The following PLD1 variants were observed in gnomAD, a reference collection of about 807,000 sequenced individuals.
The protein encoded by PLD1 is choline phosphatase 1.
A neutral mutation model predicts 137.1 loss-of-function variants in PLD1; 112 were observed. The ratio of observed to expected loss-of-function variants is 0.82; its 90% CI spans 0.70 to 0.96. PLD1 has a LOEUF of 0.96. Among genes scored for constraint, PLD1 ranks in the 40% least tolerant of loss-of-function variants. The pLI is 0.00. For synonymous variants in PLD1, 431 were observed against 454.7 expected, an observed-to-expected ratio of 0.95 and a Z score of 0.66; for missense variants, 1,321 against 1,342.0, an observed-to-expected ratio of 0.98 and a Z score of 0.24.
intron 1 of PLD1, among the ~76,000 whole-genome samples, chr3:171,801,628 C>T (rs925639282): frequency 2.6e-5 from 4 of 152,160 alleles, no homozygotes; most frequent in South Asian, 4.1e-4. Context: ...GAGGTTTCAC[C>T]GTGTTGGTCA....
chr3:171,683,862 C>T (rs1010651650), intron 16 of PLD1, among the ~76,000 whole-genome samples: 1 of 152,146 alleles, frequency 6.6e-6, no homozygotes, highest in African/African-American at 2.4e-5. Context: ...ATAAATAAAT[C>T]TTCTATGTTT....
chr3:171,614,813 G>C (rs1298957142), intron 24 of PLD1, among the ~76,000 whole-genome samples: 1 of 152,198 alleles, frequency 6.6e-6, no homozygotes, highest in Non-Finnish European at 1.5e-5. Context: ...GAGCCAGCCT[G>C]GAAAGCCCCC....
In PLD1 at chr3:171,764,915, AGAAAGAAAG is replaced by A. The variant is rs1230052749; in HGVS notation, c.-31-26842_-31-26834del. ...AGAAAGGAAGGAAGGAAGGAAGGAA[AGAAAGAAAG>A]GAAAGAAAGGAAAGAAAGAAAGAAA... is the stretch of plus-strand genomic sequence containing the variant. On this transcript the variant is annotated intron_variant, in intron 1 of 26. Coordinates refer to ENST00000351298, the MANE Select transcript of PLD1 (RefSeq NM_002662.5). 5.0e-3 allele frequency among the ~76,000 whole-genome samples: 156 copies of A among 31,470 alleles called. 16 individuals carry two copies. Among genetic ancestry groups the A allele is most frequent in the African/African-American group, 9.4e-3 (86 of 9,174 alleles). The allele number at this position is 31,470 out of a possible 152,430, so 20.6% of individuals were successfully genotyped here.
intron 16 of PLD1, among the ~76,000 whole-genome samples, chr3:171,682,443 C>A (rs938703391): frequency 6.6e-5 from 10 of 152,138 alleles, no homozygotes; most frequent in African/African-American, 2.4e-4. Flanking sequence ...TGGTCATATG[C>A]GGTCAAGTGA....
chr3:171,698,949 C>A, intron 12 of PLD1, among the ~76,000 whole-genome samples: 1 of 143,274 alleles, frequency 7.0e-6, no homozygotes, highest in African/African-American at 2.6e-5. Flanking sequence ...GCACTCCAGC[C>A]TGGGCAACAA....
chr3:171,625,950 C>G lies in PLD1; in HGVS notation c.2594-5430G>C, dbSNP rs149020677. On this transcript the variant is annotated intron_variant, in intron 23 of 26. Coordinates refer to ENST00000351298, the MANE Select transcript of PLD1 (RefSeq NM_002662.5). ...AACTCTAAAAAGCAGAGCGCCTCTC[C>G]TCCTCCAAAGGAATGCAGCTCCTCA... Among the ~76,000 whole-genome samples the G allele has an allele frequency of 9.2e-3, 1,408 of 152,304 alleles. 22 individuals are homozygous for G. The highest frequency in any genetic ancestry group is 0.028 in the African/African-American group (1,173 of 41,566).
At chr3:171,793,342 G>C (rs1458187934) in intron 1 of PLD1, 2 of 152,054 alleles carry the variant, frequency 1.3e-5, no homozygotes, top group African/African-American at 2.4e-5. Flanking sequence ...ATTAAAAATT[G>C]AAGTTACTAA....
intron 23 of PLD1, among the ~76,000 whole-genome samples, chr3:171,635,012 G>C (rs1231616743): frequency 6.6e-6 from 1 of 152,052 alleles, no homozygotes; most frequent in East Asian, 1.9e-4. Context: ...TTATAAAAAT[G>C]AAACCAGACA....
intron 1 of PLD1, among the ~76,000 whole-genome samples, chr3:171,783,789 C>T (rs143588832): frequency 2.3e-4 from 35 of 152,186 alleles, no homozygotes; most frequent in African/African-American, 7.7e-4. Context: ...ACTACAGGCA[C>T]GCACCATCAC....
intron 1 of PLD1, among the ~76,000 whole-genome samples, chr3:171,783,555 G>A (rs1331882777): frequency 6.6e-6 from 1 of 152,154 alleles, no homozygotes; most frequent in Admixed American, 6.5e-5. Flanking sequence ...GCAGATGGTA[G>A]AGCTGGGATT....
intron 26 of PLD1, among the ~76,000 whole-genome samples, chr3:171,604,317 T>TAA (rs113679565): frequency 4.2e-5 from 5 of 118,594 alleles, no homozygotes; most frequent in African/African-American, 9.1e-5. Flanking sequence ...CCATGTCAAT[T>TAA]AAAAAAAAAA....
intron 16 of PLD1, among the ~76,000 whole-genome samples, chr3:171,679,070 G>A (rs1006877446): frequency 4.6e-5 from 7 of 152,094 alleles, no homozygotes; most frequent in East Asian, 1.9e-4. Flanking sequence ...ACTCTGTGAC[G>A]CAATTGTATC....
intron 14 of PLD1, 35 bp from the exon 15 acceptor site, chr3:171,687,619 A>AGCATGTCT: frequency 7.3e-7 from 1 of 1,366,654 alleles, no homozygotes; most frequent in South Asian, 1.2e-5. Context: ...AAGACACTGC[A>AGCATGTCT]TAAGACATGC....
intron 16 of PLD1, chr3:171,677,952 A>T (rs1239771216): frequency 7.1e-6 from 2 of 281,812 alleles, no homozygotes; most frequent in Non-Finnish European, 1.3e-5. Context: ...GCAGTTGAGT[A>T]ACTTATTTCC....
chr3:171,802,244 G>C (rs554891143), intron 1 of PLD1, among the ~76,000 whole-genome samples: 1 of 152,276 alleles, frequency 6.6e-6, no homozygotes, highest in South Asian at 2.1e-4. Flanking sequence ...TTAAGTTCTT[G>C]TGTAGAAAAC....
rs543967032 is a variant in PLD1, at chr3:171,709,312, A to G, written c.1061+248T>C. ...ATTTGCATCATTAAAGAAATGTATG[A>G]AGTTAGCTTTAAAATTCAAACTTCA... On this transcript the variant is annotated intron_variant, in intron 10 of 26. Transcript: ENST00000351298. Among the ~76,000 whole-genome samples, 4 of 152,340 alleles carry G rather than the reference A, an allele frequency of 2.6e-5. No homozygotes were observed. The East Asian group carries it at 7.7e-4, about 29-fold the overall frequency.
chr3:171,668,022 G>A (rs572212598), intron 19 of PLD1, among the ~76,000 whole-genome samples: 2 of 152,290 alleles, frequency 1.3e-5, no homozygotes, highest in African/African-American at 4.8e-5. Context: ...AAAGTGCTAG[G>A]ATTACAGGCA....
At chr3:171,702,850 G>C (rs1716363247) in intron 11 of PLD1, among the ~76,000 whole-genome samples, 1 of 152,004 alleles carries the variant, frequency 6.6e-6, no homozygotes, top group Non-Finnish European at 1.5e-5. Context: ...AGTAAACAAA[G>C]GAGGAACACT....
intron 21 of PLD1, among the ~76,000 whole-genome samples, chr3:171,645,262 T>C (rs1023454593): frequency 2.6e-5 from 4 of 152,192 alleles, no homozygotes; most frequent in Admixed American, 2.6e-4. Flanking sequence ...GTAGAAATTG[T>C]ACCCATTGTC....
Sources: gnomAD v4.1 joint callset for allele counts (sites outside exome capture counted in the v4.1 genomes callset) on GRCh38, gnomAD v4.1.1 for gene constraint, MANE v1.5 for transcripts, NCBI Gene and HGNC (gene_info 2026-07-23, HGNC 2026-07-21) for gene names.